Variants in DTX1 observed in about 807,000 individuals in gnomAD.
DTX1 encodes deltex E3 ubiquitin ligase 1, also known as E3 ubiquitin-protein ligase DTX1.
A neutral mutation model predicts 57.8 loss-of-function variants in DTX1; 26 were observed. The ratio of observed to expected loss-of-function variants is 0.45; its 90% CI spans 0.33 to 0.62. DTX1 has a LOEUF of 0.62. DTX1 is among the 20% of genes least tolerant of loss of function. The pLI is 0.02. For synonymous variants in DTX1, 398 were observed against 394.1 expected, an observed-to-expected ratio of 1.01 and a Z score of -0.12; for missense variants, 704 against 895.3, an observed-to-expected ratio of 0.79 and a Z score of 2.73.
At chr12:113,095,498 A>T in intron 9 of DTX1, 84 bp downstream of exon 9, 2 of 1,545,598 alleles carry the variant, frequency 1.3e-6, no homozygotes, top group Non-Finnish European at 8.9e-7. Flanking sequence ...GGTCCCCATC[A>T]TTCCCAATCC....
At chr12:113,090,309 A>G (rs577091151) in intron 3 of DTX1, among the ~76,000 whole-genome samples, 3 of 152,266 alleles carry the variant, frequency 2.0e-5, no homozygotes, top group African/African-American at 7.2e-5. Flanking sequence ...GGAGGAAGTT[A>G]GAGTGGTGAC....
Position 113,058,139 on chromosome 12 carries a change from G to C in DTX1, c.-54G>C, listed in dbSNP as rs557444025. 6.6e-7 allele frequency: 1 copy of C among 1,517,890 alleles called. No individual in the cohort carries two copies. Among genetic ancestry groups the C allele is most frequent in the East Asian group, 2.3e-5 (1 of 42,668 alleles). 94.0% of individuals were successfully genotyped at this position (1,517,890 alleles called of 1,614,324 possible). ...AAGTTGCCGCCTGCTGCCAGGCCCA[G>C]GAGGAGCTGGGCCTGCAATAGTGGG... On this transcript the variant is annotated 5_prime_UTR_variant, in exon 2 of 10. Coordinates refer to ENST00000548759, the MANE Select transcript of DTX1 (RefSeq NM_004416.3).
At chr12:113,071,976 G>A (rs1460384914) in intron 2 of DTX1, among the ~76,000 whole-genome samples, 3 of 152,230 alleles carry the variant, frequency 2.0e-5, no homozygotes, top group African/African-American at 7.2e-5. Context: ...GGAGGCCTGG[G>A]CTAGCTGGCC....
chr12:113,085,439 G>A (rs887794118), intron 3 of DTX1, among the ~76,000 whole-genome samples: 5 of 152,304 alleles, frequency 3.3e-5, no homozygotes, highest in African/African-American at 9.6e-5. Flanking sequence ...CTAAAGAGAC[G>A]TCATTTAAGT....
chr12:113,068,608 G>A lies in DTX1; in HGVS notation c.260-8816G>A, dbSNP rs567441347. ...TGGAATTTTGGTGTGGTTAGAGTGT[G>A]AGGCTGTGCAGACAGCTTGTGATGG... On this transcript the variant is annotated intron_variant, in intron 2 of 9. Transcript: ENST00000548759. Among the ~76,000 whole-genome samples the A allele has an allele frequency of 1.8e-3, 267 of 152,364 alleles. 2 individuals are homozygous for A. Among genetic ancestry groups the A allele is most frequent in the Non-Finnish European group, 2.8e-3 (193 of 68,038 alleles).
At chr12:113,059,746 T>C (rs2044653573) in intron 2 of DTX1, among the ~76,000 whole-genome samples, 1 of 152,166 alleles carries the variant, frequency 6.6e-6, no homozygotes, top group African/African-American at 2.4e-5. Flanking sequence ...CCCAGGCTGG[T>C]AGGATGCTCG....
intron 9 of DTX1, among the ~76,000 whole-genome samples, chr12:113,096,110 CAGG>C (rs1950288124): frequency 6.6e-6 from 1 of 151,802 alleles, no homozygotes; most frequent in Admixed American, 6.6e-5. Context: ...GAGGCTGAGG[CAGG>C]AGAATTGCTT....
chr12:113,069,261 C>T (rs956409929), intron 2 of DTX1, among the ~76,000 whole-genome samples: 3 of 152,092 alleles, frequency 2.0e-5, no homozygotes, highest in Non-Finnish European at 4.4e-5. Flanking sequence ...CCACTTCCTG[C>T]TTTGCTAGGG....
intron 2 of DTX1, among the ~76,000 whole-genome samples, chr12:113,071,483 G>A (rs574338140): frequency 7.9e-5 from 12 of 152,254 alleles, no homozygotes; most frequent in Non-Finnish European, 1.8e-4. Context: ...CCTGGGGGAC[G>A]CAGACCCTGT....
chr12:113,065,747 GGGAGATGAT>G (rs1232498617), intron 2 of DTX1, among the ~76,000 whole-genome samples: 2 of 152,138 alleles, frequency 1.3e-5, no homozygotes, highest in African/African-American at 4.8e-5. Flanking sequence ...GGGTTGGGAG[GGGAGATGAT>G]GGAGGGTGTG....
At chr12:113,091,324 G>A (rs778898103) in intron 3 of DTX1, among the ~76,000 whole-genome samples, 2 of 152,114 alleles carry the variant, frequency 1.3e-5, no homozygotes, top group African/African-American at 2.4e-5. Flanking sequence ...TGTGGGGGGC[G>A]TGCCCTGAAG....
chr12:113,059,351 T>A (rs1326931397), intron 2 of DTX1, among the ~76,000 whole-genome samples: 1 of 152,122 alleles, frequency 6.6e-6, no homozygotes, highest in Non-Finnish European at 1.5e-5. Flanking sequence ...TTGGTGGCAG[T>A]CTTCGTGGCC....
intron 9 of DTX1, 81 bp downstream of exon 9, chr12:113,095,495 A>C: frequency 6.5e-7 from 1 of 1,543,110 alleles, no homozygotes; most frequent in Admixed American, 1.8e-5. Flanking sequence ...TGTGGTCCCC[A>C]TCATTCCCAA....
intron 2 of DTX1, among the ~76,000 whole-genome samples, chr12:113,063,804 AC>A (rs1402152258): frequency 2.0e-5 from 3 of 151,998 alleles, no homozygotes; most frequent in African/African-American, 4.8e-5. Context: ...TAGGCTGGAG[AC>A]CCTTAGGCTG....
At chr12:113,063,809 T>C (rs1298560894) in intron 2 of DTX1, among the ~76,000 whole-genome samples, 3 of 152,176 alleles carry the variant, frequency 2.0e-5, no homozygotes, top group African/African-American at 4.8e-5. Context: ...TGGAGACCCT[T>C]AGGCTGTTAC....
intron 3 of DTX1, among the ~76,000 whole-genome samples, chr12:113,084,364 A>G (rs2044840513): frequency 6.6e-6 from 1 of 152,034 alleles, no homozygotes; most frequent in Non-Finnish European, 1.5e-5. Context: ...AGCGCTCCCT[A>G]TGTCCCAGGC....
chr12:113,079,765 C>T (rs1348534266), intron 3 of DTX1, among the ~76,000 whole-genome samples: 1 of 150,434 alleles, frequency 6.6e-6, no homozygotes, highest in Non-Finnish European at 1.5e-5. Flanking sequence ...CACCATGTTT[C>T]CCAGGCTTGT....
intron 2 of DTX1, among the ~76,000 whole-genome samples, chr12:113,071,897 A>G (rs2044740601): frequency 6.6e-6 from 1 of 152,248 alleles, no homozygotes; most frequent in African/African-American, 2.4e-5. Context: ...CTCCAGGGAC[A>G]CAGCCTTTAA....
At chr12:113,088,714 G>C (rs1950223685) in intron 3 of DTX1, among the ~76,000 whole-genome samples, 1 of 152,248 alleles carries the variant, frequency 6.6e-6, no homozygotes, top group African/African-American at 2.4e-5. Flanking sequence ...GTTGCGGCCA[G>C]GCACAGTGGC....
Sources: allele counts gnomAD v4.1 joint callset (sites outside exome capture counted in the v4.1 genomes callset), GRCh38; gene constraint gnomAD v4.1.1; transcripts MANE v1.5; gene names NCBI Gene and HGNC (gene_info 2026-07-23, HGNC 2026-07-21).